DPP10: variants seen among roughly 807,000 people sequenced by gnomAD.
DPP10 encodes inactive dipeptidyl peptidase 10.
A neutral mutation model predicts 120.9 loss-of-function variants in DPP10; 33 were observed. The observed-to-expected ratio is 0.27, with a 90% CI of 0.21 to 0.37. DPP10 has a LOEUF of 0.37. Ranked by LOEUF, DPP10 falls within the 10% of genes least tolerant of loss-of-function variation. The pLI is 1.00. For missense variants in DPP10, 816 were observed against 942.8 expected (o/e 0.87, Z 1.76); for synonymous variants, 337 against 326.1 (o/e 1.03, Z -0.36).
intron 1 of DPP10, among the ~76,000 whole-genome samples, chr2:114,847,128 C>A (rs1012946506): frequency 2.0e-5 from 3 of 152,136 alleles, no homozygotes; most frequent in African/African-American, 7.2e-5. Flanking sequence ...CCGGCCTCAG[C>A]CAACCTAATA....
chr2:115,594,945 C>T (rs904731269), intron 5 of DPP10, among the ~76,000 whole-genome samples: 5 of 151,948 alleles, frequency 3.3e-5, no homozygotes, highest in African/African-American at 1.2e-4. Context: ...AAATATAACC[C>T]AAATAAAGTT....
rs557236615 is a variant in DPP10 at position 115,519,579 on chromosome 2, C to T, written c.367-6319C>T. Among the ~76,000 whole-genome samples, 5 of 152,246 alleles carry T rather than the reference C, an allele frequency of 3.3e-5. No homozygotes were observed. In the South Asian group the frequency reaches 6.2e-4, roughly 19 times the overall value. ...AAAAAATTGATTTTAAAATTTTCTG[C>T]ATATATAGCCAGCTATAGCTACAGA... On this transcript the variant is annotated intron_variant, in intron 4 of 25. Transcript: ENST00000410059.
At chr2:115,527,074 C>A (rs1281201125) in intron 5 of DPP10, among the ~76,000 whole-genome samples, 1 of 152,050 alleles carries the variant, frequency 6.6e-6, no homozygotes, top group Non-Finnish European at 1.5e-5. Flanking sequence ...TCTGAAAAAT[C>A]TAAGCTTGAA....
rs138285325 is a variant in DPP10 at position 114,879,551 on chromosome 2, C to T, written c.61-429688C>T. Reference sequence around the variant, plus strand: ...GCAAAAGCAAACAGTGCACAATTTTCGAATGACTTCAAAGTGCAAATGGGA... The same window carrying T: ...GCAAAAGCAAACAGTGCACAATTTTTGAATGACTTCAAAGTGCAAATGGGA... On this transcript the variant is annotated intron_variant, in intron 1 of 25. Transcript: ENST00000410059. Among the ~76,000 whole-genome samples the T allele has an allele frequency of 8.7e-4, 132 of 152,162 alleles. 2 individuals carry two copies. In the East Asian group the frequency reaches 0.025, roughly 28 times the overall value.
At chr2:114,919,075 T>A (rs984214293) in intron 1 of DPP10, among the ~76,000 whole-genome samples, 4 of 144,724 alleles carry the variant, frequency 2.8e-5, no homozygotes, top group African/African-American at 7.8e-5. Flanking sequence ...ATGGATTAAA[T>A]GAGGGTTGGG....
At chr2:114,683,181 A>G (rs1263764543) in intron 1 of DPP10, among the ~76,000 whole-genome samples, 1 of 152,042 alleles carries the variant, frequency 6.6e-6, no homozygotes, top group Non-Finnish European at 1.5e-5. Flanking sequence ...GAGGAAACGT[A>G]GATTATGAAA....
At chr2:115,031,374 C>T (rs1703831374) in intron 1 of DPP10, among the ~76,000 whole-genome samples, 1 of 152,122 alleles carries the variant, frequency 6.6e-6, no homozygotes, top group South Asian at 2.1e-4. Context: ...GTCTACTTGG[C>T]TTATCATAGA....
At chr2:115,126,323 A>G (rs915264406) in intron 1 of DPP10, among the ~76,000 whole-genome samples, 1 of 151,970 alleles carries the variant, frequency 6.6e-6, no homozygotes, top group African/African-American at 2.4e-5. Flanking sequence ...CCTGGTCTTG[A>G]ACCCCTAGGC....
At chr2:114,749,565 T>TTTATTTTA (rs1362170829) in intron 1 of DPP10, among the ~76,000 whole-genome samples, 5 of 145,828 alleles carry the variant, frequency 3.4e-5, no homozygotes, top group African/African-American at 1.3e-4. Context: ...TTTATTTTAT[T>TTTATTTTA]TTATTTTATT....
At chr2:114,976,946 A>G (rs1277830444) in intron 1 of DPP10, among the ~76,000 whole-genome samples, 1 of 152,006 alleles carries the variant, frequency 6.6e-6, no homozygotes, top group Non-Finnish European at 1.5e-5. Context: ...ATCATCTTCT[A>G]ATTGCTTTGT....
intron 19 of DPP10, among the ~76,000 whole-genome samples, chr2:115,803,566 G>A (rs1685532484): frequency 6.6e-6 from 1 of 152,094 alleles, no homozygotes; most frequent in South Asian, 2.1e-4. Flanking sequence ...GCAGTGGCTG[G>A]TACCGGTTGT....
At chr2:115,827,076 G>A (rs1688390587) in intron 21 of DPP10, among the ~76,000 whole-genome samples, 2 of 151,724 alleles carry the variant, frequency 1.3e-5, no homozygotes, top group South Asian at 4.2e-4. Context: ...TTTGTCTAGT[G>A]TGCTTTATAT....
At chr2:114,835,162 A>G (rs1000488841) in intron 1 of DPP10, 3 of 150,694 alleles carry the variant, frequency 2.0e-5, no homozygotes, top group Non-Finnish European at 2.9e-5. Context: ...TATATAAGCC[A>G]TATCTACACA....
intron 1 of DPP10, among the ~76,000 whole-genome samples, chr2:114,997,141 C>A (rs1404447667): frequency 6.6e-6 from 1 of 151,394 alleles, no homozygotes; most frequent in East Asian, 1.9e-4. Context: ...TTTCTTCCCC[C>A]AATCAATCTA....
chr2:115,649,067 G>C (rs1167146861), intron 5 of DPP10, among the ~76,000 whole-genome samples: 1 of 151,994 alleles, frequency 6.6e-6, no homozygotes, highest in Non-Finnish European at 1.5e-5. Context: ...TCTGGGAAGA[G>C]AAAAACAAAA....
chr2:115,045,913 G>A (rs549347626), intron 1 of DPP10, among the ~76,000 whole-genome samples: 6 of 152,054 alleles, frequency 3.9e-5, no homozygotes, highest in African/African-American at 1.2e-4. Context: ...TAGGGGTTTT[G>A]TTTGATTCCT....
At chr2:115,171,636 C>G (rs2053342643) in intron 1 of DPP10, among the ~76,000 whole-genome samples, 1 of 151,892 alleles carries the variant, frequency 6.6e-6, no homozygotes, top group African/African-American at 2.4e-5. Context: ...TCTAGCCATT[C>G]CCAGATTCAG....
At chr2:115,676,513 C>T (rs908628653) in intron 5 of DPP10, among the ~76,000 whole-genome samples, 1 of 151,836 alleles carries the variant, frequency 6.6e-6, no homozygotes, top group Non-Finnish European at 1.5e-5. Context: ...TAAAAAAGAA[C>T]CAAACAGACA....
intron 3 of DPP10, among the ~76,000 whole-genome samples, chr2:115,387,597 T>C (rs139314246): frequency 3.3e-5 from 5 of 152,204 alleles, no homozygotes; most frequent in East Asian, 1.9e-4. Context: ...CCCAGTCACA[T>C]TGAAGTATAT....
Sources: allele counts gnomAD v4.1 joint callset (sites outside exome capture counted in the v4.1 genomes callset), GRCh38; gene constraint gnomAD v4.1.1; transcripts MANE v1.5; gene names NCBI Gene and HGNC (gene_info 2026-07-23, HGNC 2026-07-21).